The following ROBO1 variants were observed in gnomAD, a reference collection of about 807,000 sequenced individuals.
ROBO1 encodes the protein roundabout homolog 1.
Under a neutral mutation model 195.9 loss-of-function variants are expected in ROBO1, and 149 were observed. The observed-to-expected ratio is 0.76, with a 90% confidence interval of 0.67 to 0.87. The LOEUF (loss-of-function observed/expected upper bound fraction) is 0.87, where lower values mean the gene tolerates loss of function less well. ROBO1 is among the 40% of genes least tolerant of loss of function. The pLI is 0.00. For missense variants in ROBO1, 1,933 were observed against 2,068.3 expected, an observed-to-expected ratio of 0.93 and a Z score of 1.27; for synonymous variants, 816 against 733.2, an observed-to-expected ratio of 1.11 and a Z score of -1.82.
In ROBO1 at chr3:78,891,353, A is replaced by T. The variant is rs578016106; in HGVS notation, c.499+47248T>A. Among the ~76,000 whole-genome samples the T allele has an allele frequency of 5.5e-5, 4 of 72,988 alleles. No individual in the cohort carries two copies. The East Asian group carries it at 1.2e-3, about 22-fold the overall frequency. 47.9% of individuals were successfully genotyped at this position (72,988 alleles called of 152,430 possible). ...ATAAGAATGGCCAATACGCACATTT[A>T]AAAAAAATTCAACATCATGAAGCAT... On this transcript the variant is annotated intron_variant, in intron 4 of 30. Transcript: ENST00000464233.
intron 1 of ROBO1, among the ~76,000 whole-genome samples, chr3:79,728,192 T>G (rs551510717): frequency 6.6e-6 from 1 of 152,232 alleles, no homozygotes; most frequent in South Asian, 2.1e-4. Context: ...CTGTACTTTT[T>G]TTATTTACTG....
At chr3:79,038,328 G>A (rs2078419334) in intron 3 of ROBO1, among the ~76,000 whole-genome samples, 1 of 152,134 alleles carries the variant, frequency 6.6e-6, no homozygotes, top group African/African-American at 2.4e-5. Context: ...CGTGGTGGTG[G>A]TGACCTCCCT....
At chr3:78,668,641 T>C in intron 11 of ROBO1, 76 bp from the exon 12 acceptor site, 3 of 1,322,214 alleles carry the variant, frequency 2.3e-6, no homozygotes, top group Non-Finnish European at 3.2e-6. Context: ...TACAGGTTTG[T>C]ATATGATCCA....
intron 3 of ROBO1, among the ~76,000 whole-genome samples, chr3:79,006,576 G>A (rs941116951): frequency 7.9e-5 from 12 of 151,866 alleles, no homozygotes; most frequent in Admixed American, 7.2e-4. Context: ...ATTTAAAAAC[G>A]CAGAATTATG....
intron 1 of ROBO1, among the ~76,000 whole-genome samples, chr3:79,695,842 T>C (rs1288846451): frequency 6.6e-6 from 1 of 151,560 alleles, no homozygotes; most frequent in Non-Finnish European, 1.5e-5. Flanking sequence ...AGGCATTTTG[T>C]GTTGTGATTA....
At chr3:79,109,331 T>C (rs986197665) in intron 3 of ROBO1, among the ~76,000 whole-genome samples, 1 of 152,022 alleles carries the variant, frequency 6.6e-6, no homozygotes, top group Non-Finnish European at 1.5e-5. Flanking sequence ...TAAGAATTAA[T>C]GTTAATGTCT....
At chr3:78,742,449 T>C (rs906790214) in intron 5 of ROBO1, among the ~76,000 whole-genome samples, 1 of 152,218 alleles carries the variant, frequency 6.6e-6, no homozygotes. Context: ...GTTTTTGTTT[T>C]AATTATTCAA....
At position 78,996,597 on chromosome 3, in the gene ROBO1, C is replaced by T. The variant is rs570009169; in HGVS notation, c.173-57670G>A. On this transcript the variant is annotated intron_variant, in intron 3 of 30. Transcript: ENST00000464233. Reference sequence around the variant, plus strand: ...ACTGGTAAATTTAGTCGACAAGGAACGGCTTTACTGATGTATTGATAAAAC... The same window carrying T: ...ACTGGTAAATTTAGTCGACAAGGAATGGCTTTACTGATGTATTGATAAAAC... Among the ~76,000 whole-genome samples the T allele has an allele frequency of 1.4e-4, 22 of 152,148 alleles. No homozygotes were observed. In the South Asian group the frequency reaches 3.5e-3, roughly 24 times the overall value.
In ROBO1 at chr3:78,746,916, T is replaced by A; in HGVS notation, c.500-16A>T. ...TCCCGAAGTACTGTAGGAACAAGAT[T>A]AAATCATTATACCCAAAAGTGATAG... is the stretch of plus-strand genomic sequence containing the variant. On this transcript the variant is annotated splice_polypyrimidine_tract_variant and intron_variant, in intron 4 of 30. Coordinates refer to ENST00000464233, the MANE Select transcript of ROBO1 (RefSeq NM_002941.4). The A allele has an allele frequency of 6.6e-7, 1 of 1,504,516 alleles. No homozygotes were observed. The highest frequency in any genetic ancestry group is 9.0e-7 in the Non-Finnish European group (1 of 1,113,236). The allele number at this position is 1,504,516 out of a possible 1,614,324, so 93.2% of individuals were successfully genotyped here.
intron 4 of ROBO1, among the ~76,000 whole-genome samples, chr3:78,775,031 C>T (rs545484053): frequency 6.6e-6 from 1 of 152,140 alleles, no homozygotes; most frequent in Non-Finnish European, 1.5e-5. Context: ...AAAACTCTTA[C>T]ATTTAGTAGA....
chr3:79,125,867 G>A (rs1190718838), intron 2 of ROBO1, among the ~76,000 whole-genome samples: 1 of 152,196 alleles, frequency 6.6e-6, no homozygotes, highest in African/African-American at 2.4e-5. Context: ...GCATATGGAG[G>A]AGGGAGAGGG....
At chr3:78,681,189 G>T (rs1326139618) in intron 10 of ROBO1, among the ~76,000 whole-genome samples, 5 of 151,922 alleles carry the variant, frequency 3.3e-5, no homozygotes, top group Middle Eastern at 3.4e-3. Context: ...GTTGTGGGGT[G>T]GGGGGAGTGG....
intron 8 of ROBO1, among the ~76,000 whole-genome samples, chr3:78,704,200 G>A (rs954441817): frequency 3.3e-5 from 5 of 152,120 alleles, no homozygotes; most frequent in African/African-American, 4.8e-5. Context: ...TATATTGCCA[G>A]ATTTTCTCAA....
chr3:79,314,944 T>C lies in ROBO1; in HGVS notation c.89-189405A>G, dbSNP rs2033666675. 1.3e-5 allele frequency among the ~76,000 whole-genome samples: 2 copies of C among 151,856 alleles called. 1 individual carries two copies. The highest frequency in any genetic ancestry group is 4.2e-4 in the South Asian group (2 of 4,814). ...TGAAGAAGAATAGGAAATAATAGAG[T>C]TGGAGAGTGCAGTTTTAGAGTGGAT... On this transcript the variant is annotated intron_variant, in intron 2 of 30. Coordinates refer to ENST00000464233, the MANE Select transcript of ROBO1 (RefSeq NM_002941.4).
chr3:79,378,149 T>G (rs774961921), intron 2 of ROBO1, among the ~76,000 whole-genome samples: 1 of 110,402 alleles, frequency 9.1e-6, no homozygotes, highest in Non-Finnish European at 1.8e-5. Context: ...ATCTCTCTTA[T>G]GGTCACTCTC....
intron 1 of ROBO1, among the ~76,000 whole-genome samples, chr3:79,722,378 A>G (rs1702744747): frequency 6.6e-6 from 1 of 152,208 alleles, no homozygotes; most frequent in Non-Finnish European, 1.5e-5. Flanking sequence ...ACTTGACACA[A>G]TATAGAGCTA....
chr3:79,267,862 T>C (rs2030129632), intron 2 of ROBO1, among the ~76,000 whole-genome samples: 1 of 151,552 alleles, frequency 6.6e-6, no homozygotes, highest in African/African-American at 2.4e-5. Flanking sequence ...CTTTGTATGT[T>C]TCTTATTGGG....
At chr3:79,247,612 A>G (rs1253735030) in intron 2 of ROBO1, among the ~76,000 whole-genome samples, 1 of 152,048 alleles carries the variant, frequency 6.6e-6, no homozygotes, top group Non-Finnish European at 1.5e-5. Flanking sequence ...TTTGCTGACA[A>G]CAGAAGCTTT....
At chr3:78,960,516 C>G (rs2041278605) in intron 3 of ROBO1, among the ~76,000 whole-genome samples, 3 of 151,966 alleles carry the variant, frequency 2.0e-5, no homozygotes, top group African/African-American at 7.3e-5. Flanking sequence ...TGTGGTGGCT[C>G]ACACCTGTAA....
Sources: gnomAD v4.1 joint callset for allele counts (sites outside exome capture counted in the v4.1 genomes callset) on GRCh38, gnomAD v4.1.1 for gene constraint, MANE v1.5 for transcripts, NCBI Gene and HGNC (gene_info 2026-07-23, HGNC 2026-07-21) for gene names.